KCNG3: variants seen among roughly 807,000 people sequenced by gnomAD.
KCNG3 encodes the protein voltage-gated potassium channel regulatory subunit KCNG3.
KCNG3 carries 15 observed loss-of-function variants against 29.0 expected under a neutral mutation model. That is an observed-to-expected ratio of 0.52 (90% CI 0.35 to 0.80). KCNG3 has a LOEUF of 0.80. KCNG3 is among the 30% of genes least tolerant of loss of function. The probability of loss-of-function intolerance (pLI) is 0.01; values close to 1 mark genes in which losing one functional copy is unlikely to be tolerated. For synonymous variants in KCNG3, 322 were observed against 248.9 expected, an observed-to-expected ratio of 1.29 and a Z score of -2.76; for missense variants, 512 against 605.7, an observed-to-expected ratio of 0.85 and a Z score of 1.62.
intron 1 of KCNG3, among the ~76,000 whole-genome samples, chr2:42,471,292 C>T (rs1333607594): frequency 6.6e-6 from 1 of 151,600 alleles, no homozygotes; most frequent in Non-Finnish European, 1.5e-5. Context: ...AATGGGTAAA[C>T]AACATGTTGC....
At chr2:42,466,565 G>A (rs1673145401) in intron 1 of KCNG3, among the ~76,000 whole-genome samples, 1 of 152,130 alleles carries the variant, frequency 6.6e-6, no homozygotes. Context: ...GTAGCAGGCA[G>A]TACCATCTAG....
the KCNG3 span, among the ~76,000 whole-genome samples, chr2:42,432,309 T>C: frequency 6.6e-6 from 1 of 152,240 alleles, no homozygotes; most frequent in Non-Finnish European, 1.5e-5. Flanking sequence ...CATCAAGTCC[T>C]GTTTTTGGAA....
rs1672497296 is a variant in KCNG3, at chr2:42,442,026, A to G, written c.*1908T>C. The stretch of plus-strand genomic sequence containing the variant: ...CCCAGTACCAGTAAAATTGATGGTT[A>G]TCATATTTTTATTAGTAATATGGAG... On this transcript the variant is annotated 3_prime_UTR_variant, in exon 2 of 2. Coordinates refer to ENST00000306078, the MANE Select transcript of KCNG3 (RefSeq NM_133329.6). 6.6e-6 allele frequency: 1 copy of G among 151,880 alleles called. No homozygotes were observed. The highest frequency in any genetic ancestry group is 2.4e-5 in the African/African-American group (1 of 41,266). 9.4% of individuals were successfully genotyped at this position (151,880 alleles called of 1,614,324 possible).
chr2:42,439,594 A>G (rs909852416), downstream of KCNG3, among the ~76,000 whole-genome samples: 2 of 150,506 alleles, frequency 1.3e-5, no homozygotes, highest in Non-Finnish European at 1.5e-5. Flanking sequence ...CGTTAAAAAA[A>G]AAAAAGAAAA....
chr2:42,427,938 T>C, the KCNG3 span, among the ~76,000 whole-genome samples: 3 of 152,228 alleles, frequency 2.0e-5, no homozygotes, highest in Admixed American at 2.0e-4. Context: ...GCCATCAGTT[T>C]GGGGCCCTAA....
the KCNG3 span, among the ~76,000 whole-genome samples, chr2:42,426,517 C>T: frequency 1.4e-4 from 22 of 152,156 alleles, no homozygotes; most frequent in African/African-American, 5.3e-4. Context: ...AATAGTACAA[C>T]TGACCACACA....
chr2:42,390,388 C>A, the KCNG3 span, among the ~76,000 whole-genome samples: 1 of 152,270 alleles, frequency 6.6e-6, no homozygotes, highest in African/African-American at 2.4e-5. Flanking sequence ...TATTCTGAGC[C>A]ATCCTGGGTG....
chr2:42,400,389 A>T, the KCNG3 span, among the ~76,000 whole-genome samples: 1 of 152,196 alleles, frequency 6.6e-6, no homozygotes, highest in Non-Finnish European at 1.5e-5. Context: ...TCAGAATTCA[A>T]AGCCAGGTTA....
At chr2:42,471,016 G>C (rs928878878) in intron 1 of KCNG3, among the ~76,000 whole-genome samples, 1 of 152,066 alleles carries the variant, frequency 6.6e-6, no homozygotes, top group Admixed American at 6.6e-5. Flanking sequence ...GCCAGGCGTG[G>C]TGGTAAATGC....
the KCNG3 span, among the ~76,000 whole-genome samples, chr2:42,407,521 G>A: frequency 1.3e-5 from 2 of 152,330 alleles, no homozygotes; most frequent in African/African-American, 4.8e-5. Context: ...CCAACAACAA[G>A]TGGGAGCCCC....
chr2:42,413,521 T>C, the KCNG3 span, among the ~76,000 whole-genome samples: 1 of 152,218 alleles, frequency 6.6e-6, no homozygotes, highest in African/African-American at 2.4e-5. Context: ...ATTAAGAAGT[T>C]ATATATTCTA....
chr2:42,455,939 A>T (rs1672864904), intron 1 of KCNG3, among the ~76,000 whole-genome samples: 2 of 149,198 alleles, frequency 1.3e-5, no homozygotes, highest in South Asian at 4.2e-4. Context: ...TATACCTATA[A>T]TATGTGCATA....
the KCNG3 span, among the ~76,000 whole-genome samples, chr2:42,419,399 G>A: frequency 6.6e-6 from 1 of 151,302 alleles, no homozygotes; most frequent in East Asian, 2.0e-4. Flanking sequence ...CACCATGCCC[G>A]GCCAATTTTT....
intron 1 of KCNG3, among the ~76,000 whole-genome samples, chr2:42,462,237 A>T (rs1673037433): frequency 6.6e-6 from 1 of 152,228 alleles, no homozygotes; most frequent in Admixed American, 6.5e-5. Context: ...GCAAGGGCAA[A>T]AAAGCACAAC....
At chr2:42,414,591 T>G in the KCNG3 span, among the ~76,000 whole-genome samples, 7 of 152,008 alleles carry the variant, frequency 4.6e-5, no homozygotes, top group African/African-American at 1.4e-4. Flanking sequence ...TGTCTCAGCA[T>G]TTAGTGGTTT....
At chr2:42,482,879 G>C (rs1017022761) in intron 1 of KCNG3, among the ~76,000 whole-genome samples, 7 of 152,066 alleles carry the variant, frequency 4.6e-5, no homozygotes, top group Non-Finnish European at 1.0e-4. Flanking sequence ...CCAACACTTT[G>C]GGAGACCGAG....
At chr2:42,423,027 T>C in the KCNG3 span, among the ~76,000 whole-genome samples, 10 of 152,246 alleles carry the variant, frequency 6.6e-5, no homozygotes, top group African/African-American at 2.4e-4. Context: ...ACTTCCATCT[T>C]ACAAGCCAAG....
At chr2:42,486,152 T>C (rs1245317733) in intron 1 of KCNG3, among the ~76,000 whole-genome samples, 5 of 152,228 alleles carry the variant, frequency 3.3e-5, no homozygotes, top group Non-Finnish European at 7.3e-5. Flanking sequence ...GATTCAGGCT[T>C]ACTGTGTGTG....
downstream of KCNG3, among the ~76,000 whole-genome samples, chr2:42,439,979 C>A (rs945058859): frequency 6.6e-6 from 1 of 152,042 alleles, no homozygotes; most frequent in African/African-American, 2.4e-5. Context: ...TCATGGCTTC[C>A]GAAGTTACAA....
Sources: allele counts gnomAD v4.1 joint callset (sites outside exome capture counted in the v4.1 genomes callset), GRCh38; gene constraint gnomAD v4.1.1; transcripts MANE v1.5; gene names NCBI Gene and HGNC (gene_info 2026-07-23, HGNC 2026-07-21).